The following DLG2 variants were observed in gnomAD, a reference collection of about 807,000 sequenced individuals.
DLG2 encodes disks large homolog 2.
A neutral mutation model predicts 132.5 loss-of-function variants in DLG2; 45 were observed. The observed-to-expected ratio is 0.34, with a 90% CI of 0.27 to 0.44. DLG2 has a LOEUF of 0.44. DLG2 is among the 20% of genes least tolerant of loss of function. The pLI is 1.00. For synonymous variants in DLG2, 424 were observed against 419.6 expected (o/e 1.01, Z -0.13); for missense variants, 1,045 against 1,196.9 (o/e 0.87, Z 1.87).
chr11:84,781,133 T>A (rs936944564), intron 6 of DLG2, among the ~76,000 whole-genome samples: 2 of 151,498 alleles, frequency 1.3e-5, no homozygotes, highest in East Asian at 1.9e-4. Flanking sequence ...CTACCAAATG[T>A]GGATGGAGCA....
chr11:84,967,682 TA>T (rs927970564), intron 6 of DLG2, among the ~76,000 whole-genome samples: 2 of 152,098 alleles, frequency 1.3e-5, no homozygotes. Flanking sequence ...ATAATTAAGA[TA>T]AAAAACTGAG....
Position 85,154,549 on chromosome 11 carries a change from C to T in DLG2, c.282+7G>A, listed in dbSNP as rs770760720. ...CTAGTAAGAAAAGAAAACAGTATAA[C>T]ACTTACAGTTGTCGTCTCATCAGTT... On this transcript the variant is annotated splice_region_variant and intron_variant, in intron 5 of 27. Coordinates refer to ENST00000376104, the MANE Select transcript of DLG2 (RefSeq NM_001142699.3). 10 of 1,369,342 alleles carry T rather than the reference C, an allele frequency of 7.3e-6. No homozygotes were observed. In the South Asian group the frequency reaches 1.1e-4, roughly 16 times the overall value. 84.8% of individuals were successfully genotyped at this position (1,369,342 alleles called of 1,614,324 possible).
chr11:83,972,513 A>G lies in DLG2; in HGVS notation c.1057-7045T>C, dbSNP rs141630037. Among the ~76,000 whole-genome samples the G allele has an allele frequency of 1.8e-3, 281 of 152,202 alleles. 1 individual carries two copies. Among genetic ancestry groups the G allele is most frequent in the East Asian group, 0.011 (56 of 5,182 alleles). On this transcript the variant is annotated intron_variant, in intron 12 of 27. Transcript: ENST00000376104. The stretch of plus-strand genomic sequence containing the variant: ...CCTATATTGTGAAACACTTATTCCT[A>G]CAGTGCCTCTTCCCACCTCCAAGAA...
At chr11:83,555,510 G>A (rs2096497150) in intron 19 of DLG2, among the ~76,000 whole-genome samples, 1 of 152,106 alleles carries the variant, frequency 6.6e-6, no homozygotes, top group African/African-American at 2.4e-5. Context: ...ATGGACAGAG[G>A]TCTCAGATAT....
chr11:85,537,359 C>T (rs912720038), intron 3 of DLG2, among the ~76,000 whole-genome samples: 1 of 152,216 alleles, frequency 6.6e-6, no homozygotes, highest in Non-Finnish European at 1.5e-5. Context: ...TGTTCTTTCA[C>T]TCTTCGCAAT....
intron 3 of DLG2, among the ~76,000 whole-genome samples, chr11:85,435,001 G>A (rs2091401104): frequency 6.6e-6 from 1 of 152,216 alleles, no homozygotes; most frequent in African/African-American, 2.4e-5. Flanking sequence ...TCCCTGGGAT[G>A]CAAGGCTGGT....
At chr11:83,732,692 C>T (rs1180363582) in intron 18 of DLG2, among the ~76,000 whole-genome samples, 1 of 152,126 alleles carries the variant, frequency 6.6e-6, no homozygotes, top group Non-Finnish European at 1.5e-5. Flanking sequence ...ATTAAACAAT[C>T]TAAAATAAAA....
intron 19 of DLG2, among the ~76,000 whole-genome samples, chr11:83,557,202 T>C (rs1009104190): frequency 1.3e-5 from 2 of 152,176 alleles, no homozygotes; most frequent in Non-Finnish European, 2.9e-5. Context: ...TTTATGAGAC[T>C]AATAGGCAAA....
chr11:83,790,799 G>A, intron 17 of DLG2: 1 of 755,332 alleles, frequency 1.3e-6, no homozygotes, highest in East Asian at 2.4e-5. Flanking sequence ...CGGGGAAAGA[G>A]CGCCCTCCCA....
intron 7 of DLG2, among the ~76,000 whole-genome samples, chr11:84,441,199 T>A (rs970452173): frequency 6.6e-6 from 1 of 151,862 alleles, no homozygotes. Flanking sequence ...CAGGATGGAG[T>A]GCAGTGTTAC....
At chr11:85,081,870 G>A (rs764529188) in intron 6 of DLG2, among the ~76,000 whole-genome samples, 7 of 152,098 alleles carry the variant, frequency 4.6e-5, no homozygotes, top group Non-Finnish European at 8.8e-5. Context: ...CTTACTTGTT[G>A]TTTGTAAATT....
intron 18 of DLG2, among the ~76,000 whole-genome samples, chr11:83,688,215 AT>A (rs750709528): frequency 1.2e-4 from 19 of 152,190 alleles, no homozygotes; most frequent in African/African-American, 4.3e-4. Context: ...ATATTCATTT[AT>A]TCAGAAATTT....
chr11:84,110,578 T>C (rs1326129078), intron 9 of DLG2, among the ~76,000 whole-genome samples: 1 of 152,130 alleles, frequency 6.6e-6, no homozygotes, highest in Non-Finnish European at 1.5e-5. Context: ...TAGATCACCA[T>C]GCAAGTCCGA....
At chr11:85,402,956 TGGC>T (rs2088308794) in intron 3 of DLG2, among the ~76,000 whole-genome samples, 1 of 152,142 alleles carries the variant, frequency 6.6e-6, no homozygotes. Flanking sequence ...GATCTAGAAC[TGGC>T]AATACCATCT....
chr11:84,486,439 A>T (rs550121338), intron 7 of DLG2, among the ~76,000 whole-genome samples: 2 of 152,224 alleles, frequency 1.3e-5, no homozygotes, highest in East Asian at 3.9e-4. Context: ...AGGCCAAATG[A>T]AGTTACTGAT....
At chr11:84,012,205 A>G (rs1002046397) in intron 11 of DLG2, among the ~76,000 whole-genome samples, 2 of 152,180 alleles carry the variant, frequency 1.3e-5, no homozygotes, top group Non-Finnish European at 2.9e-5. Flanking sequence ...ACAATACAGT[A>G]GTAGCTGTCA....
At chr11:84,296,195 T>C (rs1295902101) in intron 7 of DLG2, among the ~76,000 whole-genome samples, 1 of 152,144 alleles carries the variant, frequency 6.6e-6, no homozygotes, top group Non-Finnish European at 1.5e-5. Flanking sequence ...GAGCAATGTT[T>C]GGCTTTTTTT....
At position 85,507,862 on chromosome 11, in the gene DLG2, T is replaced by C. The variant is rs934251153; in HGVS notation, c.40+90795A>G. ...GTACACCAATCAGACGTAGATTTGGTCTTTTCATGTAGTCCCATAGTTATT... is the reference window on the plus strand; with the variant it reads ...GTACACCAATCAGACGTAGATTTGGCCTTTTCATGTAGTCCCATAGTTATT... On this transcript the variant is annotated intron_variant, in intron 3 of 27. Transcript: ENST00000376104. 2.0e-5 allele frequency among the ~76,000 whole-genome samples: 3 copies of C among 152,258 alleles called. No individual in the cohort carries two copies. The Middle Eastern group carries it at 0.01, about 518-fold the overall frequency.
intron 6 of DLG2, among the ~76,000 whole-genome samples, chr11:84,921,216 A>T (rs1180969281): frequency 6.6e-6 from 1 of 152,198 alleles, no homozygotes; most frequent in Non-Finnish European, 1.5e-5. Flanking sequence ...TTGTCTCAGA[A>T]AGACAAGATA....
Sources: allele counts gnomAD v4.1 joint callset (sites outside exome capture counted in the v4.1 genomes callset), GRCh38; gene constraint gnomAD v4.1.1; transcripts MANE v1.5; gene names NCBI Gene and HGNC (gene_info 2026-07-23, HGNC 2026-07-21).